Variants in RNF126 observed in about 807,000 individuals in gnomAD.
RNF126 encodes E3 ubiquitin-protein ligase RNF126.
Under a neutral mutation model 41.9 loss-of-function variants are expected in RNF126, and 20 were observed. The observed-to-expected ratio is 0.48, with a 90% confidence interval of 0.34 to 0.69. The LOEUF (loss-of-function observed/expected upper bound fraction) is 0.69, where lower values mean the gene tolerates loss of function less well. RNF126 is among the 30% of genes least tolerant of loss of function. RNF126 has a pLI of 0.01. For synonymous variants in RNF126, 239 were observed against 202.9 expected, an observed-to-expected ratio of 1.18 and a Z score of -1.51; for missense variants, 433 against 460.6, an observed-to-expected ratio of 0.94 and a Z score of 0.55.
intron 1 of RNF126, among the ~76,000 whole-genome samples, chr19:660,593 C>T (rs1467204390): frequency 2.0e-5 from 3 of 152,164 alleles, no homozygotes; most frequent in Non-Finnish European, 4.4e-5. Flanking sequence ...AGCAGCCGTC[C>T]CTCCCCAGAA....
chr19:662,957 G>A, intron 1 of RNF126, 90 bp downstream of exon 1: 1 of 510,170 alleles, frequency 2.0e-6, no homozygotes, highest in Non-Finnish European at 3.0e-6. Context: ...CGCGCAAGAG[G>A]CGGGCGCAAG....
intron 4 of RNF126, 34 bp downstream of exon 4, chr19:651,576 TG>T: frequency 4.3e-6 from 6 of 1,390,060 alleles, no homozygotes; most frequent in Non-Finnish European, 5.6e-6. Context: ...CCTCAAGGCG[TG>T]GGGCCCTCGC....
Position 659,722 on chromosome 19 carries a change from A to G in RNF126, c.75+3325T>C, listed in dbSNP as rs1280550069. On this transcript the variant is annotated intron_variant, in intron 1 of 8. Transcript: ENST00000292363. The surrounding 1 kb of genome is among the most constrained non-coding windows in gnomAD (Gnocchi z 4.9). ...GCCGCCACACGCCCCACTCTGGCTG[A>G]CGCTCCCTTTGCTGCTCAGACACCC... Among the ~76,000 whole-genome samples the G allele has an allele frequency of 6.7e-6, 1 of 150,198 alleles. No individual in the cohort carries two copies. Among genetic ancestry groups the G allele is most frequent in the Non-Finnish European group, 1.5e-5 (1 of 67,732 alleles).
At chr19:650,581 C>T (rs1416966224) in intron 4 of RNF126, 4 of 183,926 alleles carry the variant, frequency 2.2e-5, no homozygotes, top group Non-Finnish European at 3.9e-5. Context: ...CCACTCTCGG[C>T]TACTTTTTTT....
At position 663,201 on chromosome 19, in the gene RNF126, A is replaced by T. The variant is rs1299518557; in HGVS notation, c.-80T>A. The T allele has an allele frequency of 4.0e-6, 2 of 498,954 alleles. No individual in the cohort carries two copies. The highest frequency in any genetic ancestry group is 1.1e-4 in the Admixed American group (2 of 17,548). The allele number at this position is 498,954 out of a possible 1,614,324, so 30.9% of individuals were successfully genotyped here. A position where few individuals can be genotyped will look rare whatever the true frequency, so the allele number is the denominator to read the frequency against. On this transcript the variant is annotated 5_prime_UTR_variant, in exon 1 of 9. Coordinates refer to ENST00000292363, the MANE Select transcript of RNF126 (RefSeq NM_194460.3). The stretch of plus-strand genomic sequence containing the variant: ...CCGTTTGCTGCTCCCTCGCCGGCCG[A>T]CGCGCCCGCGCACGCTCACGCACGG...
chr19:649,524 G>A (rs369651109), intron 6 of RNF126, 155 bp downstream of exon 6: 23 of 610,314 alleles, frequency 3.8e-5, no homozygotes, highest in African/African-American at 5.6e-5. Context: ...GAGGAAGGCC[G>A]GAGCTGCCCC....
chr19:652,742 G>C, intron 2 of RNF126, 84 bp downstream of exon 2: 2 of 1,306,670 alleles, frequency 1.5e-6, no homozygotes, highest in South Asian at 1.2e-5. Context: ...CACTCGGCGG[G>C]GCGGACGCCA....
At chr19:652,186 C>T (rs199592285) in intron 3 of RNF126, 47 bp downstream of exon 3, 1,245 of 1,452,036 alleles carry the variant, frequency 8.6e-4, no homozygotes, top group Middle Eastern at 9.3e-4. Context: ...CTCGGGGCCC[C>T]GAGCAAGGCT....
chr19:651,409 C>CA, intron 4 of RNF126: 1 of 467,470 alleles, frequency 2.1e-6, no homozygotes, highest in Non-Finnish European at 3.6e-6. Flanking sequence ...TGTGGTCAAC[C>CA]CACACACCCT....
chr19:649,261 T>G (rs1600627939), intron 6 of RNF126: 3 of 271,606 alleles, frequency 1.1e-5, no homozygotes, highest in Non-Finnish European at 1.3e-5. Context: ...GACGGCGGAA[T>G]GGGGGGGCCG....
chr19:657,827 G>A (rs2030623723), intron 1 of RNF126, among the ~76,000 whole-genome samples: 1 of 152,202 alleles, frequency 6.6e-6, no homozygotes, highest in Non-Finnish European at 1.5e-5. Flanking sequence ...CGGATATCCA[G>A]GGTGGAGGTT....
At chr19:651,355 G>A in intron 4 of RNF126, 1 of 369,126 alleles carries the variant, frequency 2.7e-6, no homozygotes, top group Non-Finnish European at 4.8e-6. Context: ...GTGGACAGCA[G>A]TCTCCAGAGC....
chr19:656,363 G>A (rs2030562867), intron 1 of RNF126, among the ~76,000 whole-genome samples: 1 of 151,774 alleles, frequency 6.6e-6, no homozygotes, highest in Non-Finnish European at 1.5e-5. Context: ...AAGAAACAAA[G>A]AAAAAAAGGG....
At chr19:648,339 C>CGGGGTGGGGGGG (rs1555680019) in intron 8 of RNF126, 33 bp downstream of exon 8, 2 of 302,222 alleles carry the variant, frequency 6.6e-6, no homozygotes, top group Non-Finnish European at 8.7e-6. Context: ...GGGCCGCGGT[C>CGGGGTGGGGGGG]GGGGTGGGGG....
chr19:650,185 C>T (rs1211525638), intron 5 of RNF126, 49 bp downstream of exon 5: 1 of 1,466,664 alleles, frequency 6.8e-7, no homozygotes, highest in African/African-American at 1.5e-5. Context: ...CCCACCCACT[C>T]ACCAGGGACC....
rs1376186566 is a variant in RNF126 at position 651,730 on chromosome 19, A to G, written c.324T>C (p.Pro108=). 1 of 1,611,838 alleles carries G rather than the reference A, an allele frequency of 6.2e-7. No individual in the cohort carries two copies. The highest frequency in any genetic ancestry group is 1.7e-5 in the Admixed American group (1 of 59,946). ...GATGGTCTCTCTCCCGCCGGCTCTCAGGGTCCCTGCCGTCGTCAGCCTGCG... is the reference window on the plus strand; with the variant it reads ...GATGGTCTCTCTCCCGCCGGCTCTCGGGGTCCCTGCCGTCGTCAGCCTGCG... The part of the protein sequence containing the change: ...PGAQADDGRD[P]ESRRERDHPS... Residue 108 remains proline, a synonymous_variant, in exon 4 of 9, where the codon CCT becomes CCC. Transcript: ENST00000292363.
At chr19:662,105 G>A (rs2030828093) in intron 1 of RNF126, among the ~76,000 whole-genome samples, 1 of 152,150 alleles carries the variant, frequency 6.6e-6, no homozygotes, top group Non-Finnish European at 1.5e-5. Context: ...AATCGCTTGA[G>A]CCCAGGAGTT....
At chr19:650,584 C>CA (rs778577926) in intron 4 of RNF126, 3 of 72,292 alleles carry the variant, frequency 4.1e-5, no homozygotes, top group Non-Finnish European at 4.9e-5. Flanking sequence ...CTCTCGGCTA[C>CA]TTTTTTTTTT....
chr19:661,556 T>C (rs971383255), intron 1 of RNF126, among the ~76,000 whole-genome samples: 34 of 152,134 alleles, frequency 2.2e-4, no homozygotes, highest in African/African-American at 7.2e-4. Context: ...GTGGCTTCAG[T>C]AGAGAGGAAA....
Sources: gnomAD v4.1 joint callset for allele counts (sites outside exome capture counted in the v4.1 genomes callset) on GRCh38, gnomAD v4.1.1 for gene constraint, Gnocchi (gnomAD v3.1) non-coding constraint, MANE v1.5 for transcripts, NCBI Gene and HGNC (gene_info 2026-07-23, HGNC 2026-07-21) for gene names.